Variants in SHROOM3 observed in about 807,000 individuals in gnomAD.
SHROOM3 encodes the protein shroom family member 3.
In SHROOM3, 47 loss-of-function variants were observed where a neutral mutation model predicts 138.6. That is an observed-to-expected ratio of 0.34 (90% CI 0.27 to 0.43). The LOEUF (loss-of-function observed/expected upper bound fraction) is 0.43, where lower values mean the gene tolerates loss of function less well. Ranked by LOEUF, SHROOM3 falls within the 20% of genes least tolerant of loss-of-function variation. The probability of loss-of-function intolerance (pLI) is 1.00; values close to 1 mark genes in which losing one functional copy is unlikely to be tolerated. For missense variants in SHROOM3, 2,491 were observed against 2,596.5 expected (o/e 0.96, Z 0.88); for synonymous variants, 1,062 against 1,063.3 (o/e 1.00, Z 0.02).
chr4:76,726,541 TAAAAA>T (rs61455146), intron 3 of SHROOM3, among the ~76,000 whole-genome samples: 3 of 90,836 alleles, frequency 3.3e-5, no homozygotes, highest in African/African-American at 4.5e-5. Context: ...CCCCTCCATC[TAAAAA>T]AAAAAAAAAA....
intron 2 of SHROOM3, chr4:76,637,515 T>C (rs957683742): frequency 2.6e-5 from 4 of 152,240 alleles, no homozygotes; most frequent in African/African-American, 9.6e-5. Flanking sequence ...TTTTCTCTTT[T>C]TTCCTGTGTG....
At chr4:76,658,684 T>TTG (rs376340840) in intron 2 of SHROOM3, among the ~76,000 whole-genome samples, 6 of 151,358 alleles carry the variant, frequency 4.0e-5, no homozygotes, top group East Asian at 2.0e-4. Flanking sequence ...GTGTGTGTGT[T>TTG]TGTGTGTGTG....
At chr4:76,712,207 A>T (rs1720249954) in intron 3 of SHROOM3, among the ~76,000 whole-genome samples, 1 of 152,204 alleles carries the variant, frequency 6.6e-6, no homozygotes, top group South Asian at 2.1e-4. Flanking sequence ...GAACTAAATC[A>T]ATGGTGATGG....
chr4:76,605,933 C>A (rs11942836), intron 2 of SHROOM3, among the ~76,000 whole-genome samples: 27,952 of 132,738 alleles, frequency 0.21, 3,580 homozygotes, highest in African/African-American at 0.37. Context: ...CTCTCTCTCT[C>A]TATATATATA....
At chr4:76,500,779 C>T (rs1022308121) in intron 1 of SHROOM3, among the ~76,000 whole-genome samples, 3 of 140,832 alleles carry the variant, frequency 2.1e-5, no homozygotes, top group South Asian at 2.3e-4. Flanking sequence ...AATCTTTTAC[C>T]CTTTTTCTTT....
chr4:76,557,699 C>G (rs1413342029), intron 2 of SHROOM3, among the ~76,000 whole-genome samples: 1 of 152,142 alleles, frequency 6.6e-6, no homozygotes, highest in African/African-American at 2.4e-5. Context: ...GTACATATAT[C>G]AAATCATCAC....
At chr4:76,736,314 T>G (rs1432115097) in intron 4 of SHROOM3, among the ~76,000 whole-genome samples, 5 of 152,136 alleles carry the variant, frequency 3.3e-5, no homozygotes, top group African/African-American at 1.2e-4. Flanking sequence ...GGGAGCTATT[T>G]CCTTCCTTTC....
At chr4:76,467,763 G>A (rs550222401) in intron 1 of SHROOM3, among the ~76,000 whole-genome samples, 2 of 152,120 alleles carry the variant, frequency 1.3e-5, no homozygotes, top group Non-Finnish European at 2.9e-5. Flanking sequence ...CACAAACCCG[G>A]GTATAACTTC....
At chr4:76,570,340 G>T (rs1733810172) in intron 2 of SHROOM3, among the ~76,000 whole-genome samples, 1 of 152,124 alleles carries the variant, frequency 6.6e-6, no homozygotes, top group Admixed American at 6.6e-5. Flanking sequence ...TAACAACTGT[G>T]CTGACTTGAT....
chr4:76,537,612 A>G (rs975521596), intron 1 of SHROOM3, among the ~76,000 whole-genome samples: 1 of 152,142 alleles, frequency 6.6e-6, no homozygotes, highest in East Asian at 1.9e-4. Flanking sequence ...ATGAGAAGTC[A>G]TTAGAAAAGG....
At chr4:76,591,879 G>A (rs1473504257) in intron 2 of SHROOM3, among the ~76,000 whole-genome samples, 1 of 152,162 alleles carries the variant, frequency 6.6e-6, no homozygotes, top group Non-Finnish European at 1.5e-5. Context: ...TACCGAGTTT[G>A]GAGCTGTGAA....
intron 1 of SHROOM3, among the ~76,000 whole-genome samples, chr4:76,502,584 GA>G (rs1393908901): frequency 6.6e-6 from 1 of 152,188 alleles, no homozygotes; most frequent in Non-Finnish European, 1.5e-5. Flanking sequence ...GGTGTGTGGG[GA>G]AAACCCCCCA....
intron 6 of SHROOM3, among the ~76,000 whole-genome samples, chr4:76,752,593 A>G (rs767816586): frequency 2.0e-5 from 3 of 152,134 alleles, no homozygotes; most frequent in Non-Finnish European, 4.4e-5. Context: ...CTCACACTCT[A>G]TTATAAAAGG....
intron 1 of SHROOM3, among the ~76,000 whole-genome samples, chr4:76,490,809 T>C (rs1731833764): frequency 6.6e-6 from 1 of 152,246 alleles, no homozygotes; most frequent in Admixed American, 6.5e-5. Context: ...TTACAACTTA[T>C]TGACACCATG....
intron 2 of SHROOM3, among the ~76,000 whole-genome samples, chr4:76,618,815 T>A (rs776957837): frequency 3.5e-4 from 54 of 152,248 alleles, no homozygotes; most frequent in Non-Finnish European, 6.6e-4. Flanking sequence ...TTATAGCTTA[T>A]TTTTTCCTTC....
chr4:76,532,484 G>T (rs777358146), intron 1 of SHROOM3, among the ~76,000 whole-genome samples: 6 of 152,128 alleles, frequency 3.9e-5, no homozygotes, highest in Non-Finnish European at 7.4e-5. Flanking sequence ...ATCCACAGGG[G>T]AGACATTCCA....
At chr4:76,688,203 C>T (rs1240211978) in intron 2 of SHROOM3, among the ~76,000 whole-genome samples, 1 of 152,154 alleles carries the variant, frequency 6.6e-6, no homozygotes, top group Non-Finnish European at 1.5e-5. Flanking sequence ...GTGTTGATAC[C>T]TGCTTGTGAT....
At chr4:76,763,800 T>A (rs1380880159) in intron 9 of SHROOM3, among the ~76,000 whole-genome samples, 1 of 152,186 alleles carries the variant, frequency 6.6e-6, no homozygotes, top group Non-Finnish European at 1.5e-5. Flanking sequence ...TTGGTATCAC[T>A]TACATTTACA....
chr4:76,707,139 G>T (rs1301081731), intron 2 of SHROOM3, among the ~76,000 whole-genome samples: 1 of 152,164 alleles, frequency 6.6e-6, no homozygotes, highest in Non-Finnish European at 1.5e-5. Context: ...AAGTAAAAAT[G>T]GGCTTATTTG....
Sources: gnomAD v4.1 joint callset for allele counts (sites outside exome capture counted in the v4.1 genomes callset) on GRCh38, gnomAD v4.1.1 for gene constraint, MANE v1.5 for transcripts, NCBI Gene and HGNC (gene_info 2026-07-23, HGNC 2026-07-21) for gene names.